The following ACAD11 variants were observed in gnomAD, a reference collection of about 807,000 sequenced individuals.
ACAD11 encodes acyl-Coenzyme A dehydrogenase family, member 11.
ACAD11 carries 83 observed loss-of-function variants against 102.2 expected under a neutral mutation model. The observed-to-expected ratio is 0.81, with a 90% CI of 0.68 to 0.97. The LOEUF (loss-of-function observed/expected upper bound fraction) is 0.97. Ranked by LOEUF, ACAD11 falls within the 50% of genes least tolerant of loss-of-function variation. ACAD11 has a pLI of 0.00. For synonymous variants in ACAD11, 324 were observed against 319.8 expected (o/e 1.01, Z -0.14); for missense variants, 901 against 951.7 (o/e 0.95, Z 0.70).
intron 17 of ACAD11, among the ~76,000 whole-genome samples, chr3:132,565,311 G>T (rs1409716556): frequency 6.6e-6 from 1 of 152,112 alleles, no homozygotes; most frequent in African/African-American, 2.4e-5. Flanking sequence ...CCATCTTATG[G>T]GTTGTTAGTG....
intron 5 of ACAD11, among the ~76,000 whole-genome samples, chr3:132,638,362 C>T (rs949944426): frequency 1.3e-5 from 2 of 151,970 alleles, no homozygotes; most frequent in African/African-American, 4.8e-5. Context: ...TTTTTGGGGA[C>T]TCTAATTATT....
intron 11 of ACAD11, among the ~76,000 whole-genome samples, chr3:132,612,316 C>T (rs1939191121): frequency 6.6e-6 from 1 of 151,978 alleles, no homozygotes; most frequent in Admixed American, 6.6e-5. Context: ...TAGGTATGGG[C>T]AAGGACTTCA....
intron 13 of ACAD11, among the ~76,000 whole-genome samples, chr3:132,584,248 T>C (rs146630342): frequency 6.6e-6 from 1 of 152,204 alleles, no homozygotes; most frequent in Non-Finnish European, 1.5e-5. Context: ...TGCTCCTATA[T>C]CGGGTGCATA....
Position 132,619,394 on chromosome 3 carries a change from C to T in ACAD11, c.1275+74G>A, listed in dbSNP as rs1445271781. The T allele has an allele frequency of 1.2e-5, 11 of 943,442 alleles. No homozygotes were observed. In the East Asian group the frequency reaches 2.6e-4, roughly 22 times the overall value. 58.4% of individuals were successfully genotyped at this position (943,442 alleles called of 1,614,324 possible). A position where few individuals can be genotyped will look rare whatever the true frequency, so the allele number is the denominator to read the frequency against. On this transcript the variant is annotated intron_variant, in intron 10 of 19. Transcript: ENST00000264990. ...TTTTCTTCTACATATATAACAATAGCAACAACAAAACTAAGGTCTAGGATC... is the reference window on the plus strand; with the variant it reads ...TTTTCTTCTACATATATAACAATAGTAACAACAAAACTAAGGTCTAGGATC...
Position 132,631,430 on chromosome 3 carries a change from G to C in ACAD11, c.752C>G (p.Pro251Arg), listed in dbSNP as rs780764956. 6.4e-7 allele frequency: 1 copy of C among 1,564,528 alleles called. No individual in the cohort carries two copies. The highest frequency in any genetic ancestry group is 1.2e-5 in the South Asian group (1 of 82,428). ...LDWELSTIGH[P>R]LSDLAHFSLF... ...GGAAAAATGAGCTAAGTCTGACAAA[G>C]GATGACCAATGGTTGACAGCTCCCA... Residue 251 changes from proline to arginine, a missense_variant, in exon 6 of 20, where the codon CCT (proline) becomes CGT (arginine). Coordinates refer to ENST00000264990, the MANE Select transcript of ACAD11 (RefSeq NM_032169.5).
intron 9 of ACAD11, chr3:132,620,464 A>G (rs970727927): frequency 2.8e-4 from 42 of 152,324 alleles, no homozygotes; most frequent in African/African-American, 9.9e-4. Context: ...ATTCCAGAAC[A>G]TGAGTTCAAA....
intron 13 of ACAD11, among the ~76,000 whole-genome samples, chr3:132,590,318 G>A (rs548991887): frequency 5.3e-5 from 8 of 152,176 alleles, no homozygotes; most frequent in African/African-American, 9.6e-5. Flanking sequence ...GTAGAGTGGC[G>A]CGATCTCAGC....
chr3:132,618,404 C>A, intron 11 of ACAD11: 1 of 450,322 alleles, frequency 2.2e-6, no homozygotes, highest in Non-Finnish European at 3.8e-6. Flanking sequence ...CCTTTGGTGG[C>A]TAATTTTTTT....
intron 13 of ACAD11, among the ~76,000 whole-genome samples, chr3:132,599,025 C>T (rs1308996933): frequency 6.6e-6 from 1 of 152,164 alleles, no homozygotes; most frequent in Admixed American, 6.5e-5. Context: ...TAGAAAGATA[C>T]TGCTTGGCCA....
At chr3:132,561,252 A>T in intron 17 of ACAD11, 35 bp from the exon 18 acceptor site, 1 of 1,525,620 alleles carries the variant, frequency 6.6e-7, no homozygotes, top group South Asian at 1.1e-5. Flanking sequence ...AAGAAGGAGG[A>T]GCTAAGCTGG....
intron 17 of ACAD11, among the ~76,000 whole-genome samples, chr3:132,570,884 C>A (rs1340588939): frequency 6.6e-6 from 1 of 152,144 alleles, no homozygotes; most frequent in African/African-American, 2.4e-5. Flanking sequence ...TGTTTCTGTA[C>A]CACATTTTCT....
chr3:132,610,861 T>A (rs964148322), intron 11 of ACAD11, among the ~76,000 whole-genome samples: 4 of 152,190 alleles, frequency 2.6e-5, no homozygotes, highest in African/African-American at 9.7e-5. Context: ...GAATCCTCCC[T>A]AACTCATTTT....
Position 132,610,401 on chromosome 3 carries a change from A to G in ACAD11, c.1415-5196T>C, listed in dbSNP as rs183077248. Among the ~76,000 whole-genome samples, 240 of 152,314 alleles carry G rather than the reference A, an allele frequency of 1.6e-3. 1 individual carries two copies. Among genetic ancestry groups the G allele is most frequent in the Middle Eastern group, 6.8e-3 (2 of 294 alleles). ...GCAGAACTGAAGGAAATACAGACACAAAAAACCCTTCAAAAAACCAACGAA... is the reference window on the plus strand; with the variant it reads ...GCAGAACTGAAGGAAATACAGACACGAAAAACCCTTCAAAAAACCAACGAA... On this transcript the variant is annotated intron_variant, in intron 11 of 19. Transcript: ENST00000264990.
intron 9 of ACAD11, chr3:132,620,489 A>G (rs982145174): frequency 1.3e-5 from 2 of 152,246 alleles, no homozygotes; most frequent in African/African-American, 4.8e-5. Context: ...AAAACTATTT[A>G]TCACTCAAGG....
intron 2 of ACAD11, among the ~76,000 whole-genome samples, chr3:132,644,252 C>G (rs528191596): frequency 1.0e-3 from 159 of 152,252 alleles, no homozygotes; most frequent in African/African-American, 3.8e-3. Context: ...CCCTCCTGTT[C>G]TCTGAAAATC....
chr3:132,642,007 C>T lies in ACAD11; in HGVS notation c.502G>A (p.Gly168Arg), dbSNP rs1940544853. 4 of 1,613,708 alleles carry T rather than the reference C, an allele frequency of 2.5e-6. No individual in the cohort carries two copies. Among genetic ancestry groups the T allele is most frequent in the Non-Finnish European group, 3.4e-6 (4 of 1,179,842 alleles). The change falls in exon 4 of 20, where the codon GGA (glycine) becomes AGA (arginine). Residue 168 changes from glycine to arginine, a missense_variant. Coordinates refer to ENST00000264990, the MANE Select transcript of ACAD11 (RefSeq NM_032169.5). ...SLNIQSLQLEGYGIGAGYCKR... is the reference protein window; with the variant it reads ...SLNIQSLQLERYGIGAGYCKR... ...CAGTACCCAGCACCTATACCATATC[C>T]TTCCAGCTGCAGTGACTGTATATTC...
rs201951047 is a variant in ACAD11, at chr3:132,605,240, G to A, written c.1415-35C>T. The A allele has an allele frequency of 3.5e-5, 53 of 1,523,864 alleles. No homozygotes were observed. The East Asian group carries it at 1.0e-3, about 29-fold the overall frequency. 94.4% of individuals were successfully genotyped at this position (1,523,864 alleles called of 1,614,324 possible). On this transcript the variant is annotated intron_variant, in intron 11 of 19. Coordinates refer to ENST00000264990, the MANE Select transcript of ACAD11 (RefSeq NM_032169.5). ...AAGAAGGAGTATTTGTTTTGCATTT[G>A]AAAATTTATCAGTATGAAATCCACA...
intron 11 of ACAD11, among the ~76,000 whole-genome samples, chr3:132,614,451 A>T (rs868582016): frequency 1.3e-4 from 20 of 152,250 alleles, no homozygotes; most frequent in African/African-American, 4.8e-4. Context: ...TAACAAAAAC[A>T]GCATGGTACT....
rs1398919742 is a variant in ACAD11 at position 132,603,149 on chromosome 3, TG to T, written c.1621+79del. 3.4e-6 allele frequency: 4 copies of T among 1,176,566 alleles called. No homozygotes were observed. The East Asian group carries it at 9.4e-5, about 28-fold the overall frequency. 72.9% of individuals were successfully genotyped at this position (1,176,566 alleles called of 1,614,324 possible). On this transcript the variant is annotated intron_variant, in intron 13 of 19. Transcript: ENST00000264990. ...ATTATGATCATGAAACTGATCACTA[TG>T]TATCATAGCAATATTCTAGCATAGC...
Sources: allele counts gnomAD v4.1 joint callset (sites outside exome capture counted in the v4.1 genomes callset), GRCh38; gene constraint gnomAD v4.1.1; transcripts MANE v1.5; gene names NCBI Gene and HGNC (gene_info 2026-07-23, HGNC 2026-07-21).